LRRC27: variants seen among roughly 807,000 people sequenced by gnomAD.
LRRC27 encodes leucine-rich repeat-containing protein 27.
LRRC27 carries 57 observed loss-of-function variants against 55.0 expected under a neutral mutation model. The ratio of observed to expected loss-of-function variants is 1.04; its 90% confidence interval spans 0.84 to 1.29. The LOEUF (loss-of-function observed/expected upper bound fraction) is 1.29, where lower values mean the gene tolerates loss of function less well. LRRC27 is among the 50% of genes most tolerant of loss of function. The pLI, the probability that LRRC27 is intolerant of heterozygous loss-of-function variation, is 0.00. For missense variants in LRRC27, 721 were observed against 651.5 expected (o/e 1.11, Z -1.16); for synonymous variants, 278 against 251.9 (o/e 1.10, Z -0.98).
At chr10:132,345,177 T>C (rs111275528) in intron 5 of LRRC27, among the ~76,000 whole-genome samples, 33 of 152,294 alleles carry the variant, frequency 2.2e-4, no homozygotes, top group African/African-American at 7.9e-4. Context: ...TGAGTACGCA[T>C]TGTAGTTACA....
At chr10:132,337,530 A>G (rs2259594) in intron 2 of LRRC27, 35 bp from the exon 3 acceptor site, 604,267 of 1,604,842 alleles carry the variant, frequency 0.38, 115,912 homozygotes, top group African/African-American at 0.42. Flanking sequence ...TTAGTTGGTT[A>G]ACAAAACATT....
rs2067821118 is a variant in LRRC27 at position 132,348,264 on chromosome 10, G to A, written c.834G>A (p.Leu278=). The A allele has an allele frequency of 6.2e-7, 1 of 1,614,088 alleles. No homozygotes were observed. Among genetic ancestry groups the A allele is most frequent in the Non-Finnish European group, 8.5e-7 (1 of 1,180,050 alleles). Reference sequence around the variant, plus strand: ...TTGAGCACGTGAAGGCAGACGTTCTGGGAGATCAGCTCTTGACGAGGGAAT... The same window carrying A: ...TTGAGCACGTGAAGGCAGACGTTCTAGGAGATCAGCTCTTGACGAGGGAAT... ...EIVEHVKADV[L]GDQLLTRELP... The change falls in exon 6 of 11, where the codon CTG becomes CTA. Residue 278 remains leucine (L), a synonymous_variant. Transcript: ENST00000368614. The surrounding 1 kb of genome is among the most constrained non-coding windows in gnomAD (Gnocchi z 4.2).
chr10:132,362,869 C>T (rs2068703140), intron 9 of LRRC27, among the ~76,000 whole-genome samples: 1 of 143,368 alleles, frequency 7.0e-6, no homozygotes, highest in Non-Finnish European at 1.5e-5. Context: ...CCTCTCACCT[C>T]ACAGCTGCTC....
rs112335668 is a variant in LRRC27, at chr10:132,379,124, C to A, written c.*3882C>A. ...CGTGGTGTCAGATCCCATCCTGCTCCTCTCCAGCATTTCCTCTCACCTCCG... is the reference window on the plus strand; with the variant it reads ...CGTGGTGTCAGATCCCATCCTGCTCATCTCCAGCATTTCCTCTCACCTCCG... On this transcript the variant is annotated 3_prime_UTR_variant, in exon 11 of 11. Transcript: ENST00000368614. 3 of 120,250 alleles carry A rather than the reference C, an allele frequency of 2.5e-5. No individual in the cohort carries two copies. Among genetic ancestry groups the A allele is most frequent in the African/African-American group, 6.6e-5 (2 of 30,392 alleles). The allele number at this position is 120,250 out of a possible 1,614,324, so 7.4% of individuals were successfully genotyped here.
At chr10:132,362,415 G>T (rs1443504425) in intron 9 of LRRC27, among the ~76,000 whole-genome samples, 1 of 152,176 alleles carries the variant, frequency 6.6e-6, no homozygotes, top group African/African-American at 2.4e-5. Context: ...AGCAAATGGG[G>T]CTGAGGAGCA....
intron 9 of LRRC27, among the ~76,000 whole-genome samples, chr10:132,364,434 CATCT>C (rs2068852240): frequency 8.0e-5 from 12 of 149,516 alleles, no homozygotes; most frequent in Admixed American, 1.3e-4. Context: ...CCCACGCTTA[CATCT>C]ACCTCCACAC....
chr10:132,341,870 A>C (rs955229536), intron 3 of LRRC27, among the ~76,000 whole-genome samples: 2 of 152,210 alleles, frequency 1.3e-5, no homozygotes, highest in Admixed American at 1.3e-4. Context: ...TACCCCCAGG[A>C]GACTGTTGGC....
At chr10:132,345,391 C>G (rs903708715) in intron 5 of LRRC27, among the ~76,000 whole-genome samples, 1 of 152,202 alleles carries the variant, frequency 6.6e-6, no homozygotes, top group South Asian at 2.1e-4. Context: ...GTTAGGTCTT[C>G]GTAAATAACG....
chr10:132,332,996 T>C (rs2066891115), intron 1 of LRRC27, among the ~76,000 whole-genome samples: 1 of 152,192 alleles, frequency 6.6e-6, no homozygotes, highest in African/African-American at 2.4e-5. Context: ...CTTAACTGGG[T>C]GTAAGCCAGA....
At chr10:132,330,264 T>A, upstream of LRRC27, 1 of 572,496 alleles carries the variant, frequency 1.7e-6, no homozygotes, top group Non-Finnish European at 3.2e-6. Flanking sequence ...GAGGCAACAA[T>A]AACAAGCAAG....
chr10:132,353,818 G>GA (rs2068181034), intron 7 of LRRC27, among the ~76,000 whole-genome samples: 1 of 152,170 alleles, frequency 6.6e-6, no homozygotes. Flanking sequence ...ACTGCGAGGT[G>GA]AGCCCCCCAG....
At chr10:132,366,967 T>C in intron 10 of LRRC27, 1 of 1,275,128 alleles carries the variant, frequency 7.8e-7, no homozygotes. Context: ...AAGGAGTTTG[T>C]ATCTGCCTTT....
At chr10:132,342,076 C>T in intron 3 of LRRC27, 137 bp from the exon 4 acceptor site, 1 of 604,336 alleles carries the variant, frequency 1.7e-6, no homozygotes, top group Non-Finnish European at 2.9e-6. Context: ...TTTGTGTGTA[C>T]ATGTTGTAAA....
At chr10:132,369,634 G>C (rs2133101680) in intron 10 of LRRC27, among the ~76,000 whole-genome samples, 1 of 152,308 alleles carries the variant, frequency 6.6e-6, no homozygotes, top group Middle Eastern at 3.4e-3. Context: ...GGATCCATGT[G>C]ATGATGCGTT....
intron 8 of LRRC27, among the ~76,000 whole-genome samples, chr10:132,359,167 T>TGGTGGAGCGTGGGGAGGA (rs2068493060): frequency 8.7e-6 from 1 of 115,436 alleles, no homozygotes; most frequent in Non-Finnish European, 1.8e-5. Context: ...CGTGGGGAGG[T>TGGTGGAGCGTGGGGAGGA]GCTGAGGTGG....
chr10:132,375,167 G>A lies in LRRC27; in HGVS notation c.1518G>A (p.Leu506=), dbSNP rs1235455247. 41 of 1,614,114 alleles carry A rather than the reference G, an allele frequency of 2.5e-5. No individual in the cohort carries two copies. The highest frequency in any genetic ancestry group is 3.5e-5 in the Non-Finnish European group (41 of 1,179,974). The part of the protein sequence containing the change: ...AALTGNLSLG[L]PAAQPQNTFF... ...TCACTGGAAACCTTTCGCTTGGCCT[G>A]CCGGCAGCACAGCCTCAAAATACAT... Residue 506 remains leucine, a synonymous_variant, in exon 11 of 11, where the codon CTG becomes CTA. Transcript: ENST00000368614.
intron 3 of LRRC27, among the ~76,000 whole-genome samples, chr10:132,338,732 C>T (rs1197255216): frequency 2.2e-5 from 3 of 138,908 alleles, no homozygotes; most frequent in African/African-American, 5.4e-5. Context: ...TTTTTTGAGA[C>T]GGAATCTTGC....
At chr10:132,352,047 C>CTCGTGGTCTGCAGGGCGT (rs2068046365) in intron 7 of LRRC27, among the ~76,000 whole-genome samples, 17 of 129,448 alleles carry the variant, frequency 1.3e-4, no homozygotes, top group Admixed American at 3.7e-4. Context: ...GGGGCAGGCG[C>CTCGTGGTCTGCAGGGCGT]TGAGGCCTCC....
rs2474328 is a variant in LRRC27 at position 132,348,129 on chromosome 10, A to G, written c.699A>G (p.Pro233=). 1,230,257 of 1,613,878 alleles carry G rather than the reference A, an allele frequency of 0.76. 471,183 individuals are homozygous for G. Among genetic ancestry groups the G allele is most frequent in the African/African-American group, 0.95 (71,065 of 75,008 alleles). Residue 233 remains proline, a synonymous_variant, in exon 6 of 11, where the codon CCA becomes CCG. Transcript: ENST00000368614. The surrounding 1 kb of genome is among the most constrained non-coding windows in gnomAD (Gnocchi z 4.2). ...AVMKEKASFL[P]PVEKPDLSEL... ...TGAAAGAGAAGGCCAGCTTTCTCCC[A>G]CCTGTGGAAAAGCCAGACCTGAGTG...
Sources: gnomAD v4.1 joint callset for allele counts (sites outside exome capture counted in the v4.1 genomes callset) on GRCh38, gnomAD v4.1.1 for gene constraint, Gnocchi (gnomAD v3.1) non-coding constraint, MANE v1.5 for transcripts, NCBI Gene and HGNC (gene_info 2026-07-23, HGNC 2026-07-21) for gene names.